Variants in NIPBL observed in about 807,000 individuals in gnomAD.
The protein encoded by NIPBL is nipped-B-like protein.
In NIPBL, 19 loss-of-function variants were observed where a neutral mutation model predicts 321.8. That is an observed-to-expected ratio of 0.06 (90% CI 0.04 to 0.09). NIPBL has a LOEUF of 0.09. NIPBL is among the 10% of genes least tolerant of loss of function. The pLI is 1.00. For missense variants in NIPBL, 2,210 were observed against 3,327.0 expected, an observed-to-expected ratio of 0.66 and a Z score of 8.26; for synonymous variants, 1,106 against 1,114.1, an observed-to-expected ratio of 0.99 and a Z score of 0.14.
At position 37,063,781 on chromosome 5, in the gene NIPBL, T is replaced by G. The variant is rs777258869; in HGVS notation, c.7861-9T>G. 3 of 1,609,726 alleles carry G rather than the reference T, an allele frequency of 1.9e-6. No homozygotes were observed. Among genetic ancestry groups the G allele is most frequent in the Non-Finnish European group, 2.5e-6 (3 of 1,177,586 alleles). On this transcript the variant is annotated splice_polypyrimidine_tract_variant and intron_variant, in intron 45 of 46. Transcript: ENST00000282516. Reference sequence around the variant, plus strand: ...CTTAAAATTCTGAAATAATATCTGTTTTTTGTAGTTCAAACTTCTCATGGA... The same window carrying G: ...CTTAAAATTCTGAAATAATATCTGTGTTTTGTAGTTCAAACTTCTCATGGA...
intron 42 of NIPBL, among the ~76,000 whole-genome samples, chr5:37,053,691 G>A (rs1216717186): frequency 6.6e-6 from 1 of 152,148 alleles, no homozygotes; most frequent in Non-Finnish European, 1.5e-5. Flanking sequence ...TCTGGCTGTT[G>A]CACTAGTTGC....
intron 32 of NIPBL, among the ~76,000 whole-genome samples, chr5:37,030,576 T>C (rs1017989598): frequency 6.6e-6 from 1 of 152,166 alleles, no homozygotes; most frequent in Non-Finnish European, 1.5e-5. Context: ...ATTTCAGATA[T>C]TTCTAATTTT....
At chr5:36,932,989 C>T (rs78045390) in intron 1 of NIPBL, among the ~76,000 whole-genome samples, 3,012 of 151,628 alleles carry the variant, frequency 0.02, 82 homozygotes, top group African/African-American at 0.062. Flanking sequence ...GCATGCAGCT[C>T]TCTTGATTTT....
intron 1 of NIPBL, among the ~76,000 whole-genome samples, chr5:36,900,392 G>T (rs546512383): frequency 6.6e-6 from 1 of 152,210 alleles, no homozygotes; most frequent in East Asian, 1.9e-4. Flanking sequence ...TATCTACAGG[G>T]ATCCTGGAAC....
chr5:37,054,522 G>C (rs1034065017), intron 42 of NIPBL, among the ~76,000 whole-genome samples: 1 of 152,180 alleles, frequency 6.6e-6, no homozygotes, highest in Non-Finnish European at 1.5e-5. Flanking sequence ...CTGATGGTTT[G>C]TGTTGATAAT....
rs139088561 is a variant in NIPBL at position 36,938,805 on chromosome 5, G to A, written c.-79-14813G>A. On this transcript the variant is annotated intron_variant, in intron 1 of 46. Transcript: ENST00000282516. ...TAACTGTATTACAGCTTCAAAACCA[G>A]GAAACTGACGTTGATACAATCCGGG... Among the ~76,000 whole-genome samples, 6 of 152,244 alleles carry A rather than the reference G, an allele frequency of 3.9e-5. No individual in the cohort carries two copies. The East Asian group carries it at 1.2e-3, about 29-fold the overall frequency.
rs778380312 is a variant in NIPBL at position 37,020,855 on chromosome 5, G to A, written c.5306G>A (p.Ser1769Asn). 6.2e-7 allele frequency: 1 copy of A among 1,613,102 alleles called. No homozygotes were observed. Among genetic ancestry groups the A allele is most frequent in the Non-Finnish European group, 8.5e-7 (1 of 1,179,082 alleles). ...YLASMRPFAQ[S>N]FDIYLTQILR... is the part of the protein sequence containing the mutation. ...GCCTCCATGAGGCCGTTTGCCCAGAGCTTTGATATTTATTTGACACAGGTA... is the reference window on the plus strand; with the variant it reads ...GCCTCCATGAGGCCGTTTGCCCAGAACTTTGATATTTATTTGACACAGGTA... The change falls in exon 27 of 47, where the codon AGC becomes AAC. Residue 1769 changes from serine to asparagine, a missense_variant. Transcript: ENST00000282516.
At position 36,995,639 on chromosome 5, in the gene NIPBL, G is replaced by T. The variant is rs1057522878; in HGVS notation, c.3139G>T (p.Val1047Leu). 4 of 1,611,088 alleles carry T rather than the reference G, an allele frequency of 2.5e-6. No homozygotes were observed. Among genetic ancestry groups the T allele is most frequent in the Non-Finnish European group, 3.4e-6 (4 of 1,177,838 alleles). The change falls in exon 11 of 47, where the codon GTG (valine) becomes TTG (leucine). Residue 1047 changes from valine to leucine, a missense_variant. By Grantham distance (32) the Val-to-Leu change is conservative. Around this residue, in one of 14 missense-constraint regions of NIPBL, gnomAD observed 381 missense variants for 642.3 expected, o/e 0.59. Transcript: ENST00000282516. ...ATTAATAGGTAGTATAGATCAATCA[G>T]TGTTAAAAGAATTACCCCCTGAACT... ...KSNKGSIDQS[V>L]LKELPPELLA...
At chr5:36,952,436 G>T (rs1458679687) in intron 1 of NIPBL, among the ~76,000 whole-genome samples, 1 of 152,068 alleles carries the variant, frequency 6.6e-6, no homozygotes, top group African/African-American at 2.4e-5. Flanking sequence ...AATTTATAAA[G>T]TAAAAGTCAC....
intron 6 of NIPBL, among the ~76,000 whole-genome samples, chr5:36,963,179 A>G (rs1406013393): frequency 2.0e-5 from 3 of 152,254 alleles, no homozygotes; most frequent in Middle Eastern, 3.4e-3. Context: ...TTGATTTATT[A>G]TTAGTATAAA....
chr5:37,061,977 G>C (rs1412136148), intron 45 of NIPBL, among the ~76,000 whole-genome samples: 1 of 152,138 alleles, frequency 6.6e-6, no homozygotes, highest in East Asian at 1.9e-4. Flanking sequence ...GCATAGCTGG[G>C]ATTACAGGCG....
chr5:36,913,452 A>G (rs1045311922), intron 1 of NIPBL, among the ~76,000 whole-genome samples: 4 of 149,458 alleles, frequency 2.7e-5, no homozygotes, highest in East Asian at 2.0e-4. Flanking sequence ...GTGCAGTGGC[A>G]TGATTACAGC....
chr5:37,010,182 C>T lies in NIPBL; in HGVS notation c.4517C>T (p.Ser1506Leu). 3.1e-6 allele frequency: 5 copies of T among 1,610,874 alleles called. No homozygotes were observed. The highest frequency in any genetic ancestry group is 4.2e-6 in the Non-Finnish European group (5 of 1,177,238). Residue 1506 changes from serine to leucine, a missense_variant, in exon 21 of 47, where the codon TCA (serine) becomes TTA (leucine). By Grantham distance (145) the Ser-to-Leu change is moderately radical. This residue lies in a region of NIPBL where 381 missense variants were observed against 642.3 expected (regional missense o/e 0.59). Coordinates refer to ENST00000282516, the MANE Select transcript of NIPBL (RefSeq NM_133433.4). ...ATTCAGTGTGTGGTACACTTACCAT[C>T]ATCAGAGAAGGACTCTAATGCAGAA... ...QLIQCVVHLPSSEKDSNAEED... is the reference protein window; with the variant it reads ...QLIQCVVHLPLSEKDSNAEED...
intron 1 of NIPBL, among the ~76,000 whole-genome samples, chr5:36,953,386 T>G (rs1740616844): frequency 6.6e-6 from 1 of 152,138 alleles, no homozygotes; most frequent in African/African-American, 2.4e-5. Context: ...TTCCTCTTAG[T>G]AAAATGCAAA....
intron 1 of NIPBL, among the ~76,000 whole-genome samples, chr5:36,931,864 C>G (rs866068327): frequency 8.2e-6 from 1 of 121,914 alleles, no homozygotes; most frequent in African/African-American, 3.0e-5. Flanking sequence ...TACACTTTTT[C>G]TAGTTTCTTA....
At chr5:37,027,327 C>T (rs186880901) in intron 31 of NIPBL, 32 bp from the exon 32 acceptor site, 3 of 1,521,564 alleles carry the variant, frequency 2.0e-6, no homozygotes, top group Non-Finnish European at 2.7e-6. Context: ...TATAAATATA[C>T]TTCTAACTTT....
At chr5:36,952,053 T>TGTGTGTGTGCGCAC (rs778597604) in intron 1 of NIPBL, among the ~76,000 whole-genome samples, 1 of 112,114 alleles carries the variant, frequency 8.9e-6, no homozygotes, top group Non-Finnish European at 1.9e-5. Context: ...TGTGTGTGTG[T>TGTGTGTGTGCGCAC]GCGCGCGCGC....
intron 42 of NIPBL, among the ~76,000 whole-genome samples, chr5:37,054,585 A>G (rs1182917491): frequency 6.6e-6 from 1 of 152,260 alleles, no homozygotes; most frequent in African/African-American, 2.4e-5. Flanking sequence ...ATGTGATTTC[A>G]CTGCCTGCTT....
At position 36,933,896 on chromosome 5, in the gene NIPBL, C is replaced by A. The variant is rs555034991; in HGVS notation, c.-79-19722C>A. Reference sequence around the variant, plus strand: ...TTTCAGTCCATGTAAAACTTCAACTCTTATTTTTCTTAATAAGAGTATGGG... The same window carrying A: ...TTTCAGTCCATGTAAAACTTCAACTATTATTTTTCTTAATAAGAGTATGGG... On this transcript the variant is annotated intron_variant, in intron 1 of 46. Coordinates refer to ENST00000282516, the MANE Select transcript of NIPBL (RefSeq NM_133433.4). 4.7e-5 allele frequency among the ~76,000 whole-genome samples: 7 copies of A among 149,552 alleles called. No homozygotes were observed. In the East Asian group the frequency reaches 1.4e-3, roughly 29 times the overall value.
Sources: gnomAD v4.1 joint callset for allele counts (sites outside exome capture counted in the v4.1 genomes callset) on GRCh38, gnomAD v4.1.1 for gene constraint, gnomAD v4.1.1 regional missense constraint, MANE v1.5 for transcripts, NCBI Gene and HGNC (gene_info 2026-07-23, HGNC 2026-07-21) for gene names.